Variants in ULK4 observed in about 807,000 individuals in gnomAD.
The protein encoded by ULK4 is inactive serine/threonine-protein kinase ULK4.
In ULK4, 133 loss-of-function variants were observed where a neutral mutation model predicts 160.6. That is an observed-to-expected ratio of 0.83 (90% CI 0.72 to 0.96). The LOEUF (loss-of-function observed/expected upper bound fraction) is 0.96, where lower values mean the gene tolerates loss of function less well. ULK4 is among the 40% of genes least tolerant of loss of function. ULK4 has a pLI of 0.00. For missense variants in ULK4, 1,580 were observed against 1,499.5 expected (o/e 1.05, Z -0.89); for synonymous variants, 534 against 539.8 (o/e 0.99, Z 0.15).
chr3:41,932,044 A>G (rs773344248), intron 4 of ULK4, 38 bp from the exon 5 acceptor site: 1 of 1,594,050 alleles, frequency 6.3e-7, no homozygotes, highest in South Asian at 1.1e-5. Flanking sequence ...AAAAAAAATC[A>G]ACTTAATTTG....
chr3:41,363,540 C>A (rs917053163), intron 35 of ULK4, among the ~76,000 whole-genome samples: 2 of 152,188 alleles, frequency 1.3e-5, no homozygotes, highest in Non-Finnish European at 2.9e-5. Context: ...GTGCATTATG[C>A]AGTGTACATT....
At chr3:41,756,681 G>T (rs958465525) in intron 21 of ULK4, among the ~76,000 whole-genome samples, 6 of 152,154 alleles carry the variant, frequency 3.9e-5, no homozygotes, top group African/African-American at 1.4e-4. Context: ...AAAACTGACA[G>T]ATTATACGAA....
At chr3:41,376,014 C>T (rs1424392911) in intron 35 of ULK4, among the ~76,000 whole-genome samples, 1 of 150,236 alleles carries the variant, frequency 6.7e-6, no homozygotes, top group African/African-American at 2.5e-5. Flanking sequence ...ATTTATGGGG[C>T]CAATAAACAT....
At chr3:41,485,652 C>T (rs571475551) in intron 32 of ULK4, among the ~76,000 whole-genome samples, 48 of 152,134 alleles carry the variant, frequency 3.2e-4, no homozygotes, top group Non-Finnish European at 4.7e-4. Flanking sequence ...GCTGATGTTG[C>T]GGGAGGTGTA....
At chr3:41,485,406 A>G (rs571874213) in intron 32 of ULK4, among the ~76,000 whole-genome samples, 2 of 152,330 alleles carry the variant, frequency 1.3e-5, no homozygotes, top group South Asian at 4.1e-4. Context: ...CTCTCCCCCA[A>G]CTACAGAAAT....
In ULK4 at chr3:41,707,592, G is replaced by C. The variant is rs554158228; in HGVS notation, c.2635-2287C>G. Among the ~76,000 whole-genome samples the C allele has an allele frequency of 3.9e-5, 6 of 152,308 alleles. No homozygotes were observed. The South Asian group carries it at 8.3e-4, about 21-fold the overall frequency. ...CACACCTACAATCCCAGCACTGTGAGAGGCCAAATCAGGAGGATAATCTGA... is the reference window on the plus strand; with the variant it reads ...CACACCTACAATCCCAGCACTGTGACAGGCCAAATCAGGAGGATAATCTGA... On this transcript the variant is annotated intron_variant, in intron 25 of 36. Coordinates refer to ENST00000301831, the MANE Select transcript of ULK4 (RefSeq NM_017886.4).
In ULK4 at chr3:41,953,347, G is replaced by A. The variant is rs1439949419; in HGVS notation, c.138+1275C>T. Among the ~76,000 whole-genome samples the A allele has an allele frequency of 9.5e-4, 131 of 138,590 alleles. 1 individual carries two copies. Among genetic ancestry groups the A allele is most frequent in the African/African-American group, 3.0e-3 (110 of 37,232 alleles). The allele number at this position is 138,590 out of a possible 152,430, so 90.9% of individuals were successfully genotyped here. A position where few individuals can be genotyped will look rare whatever the true frequency, so the allele number is the denominator to read the frequency against. On this transcript the variant is annotated intron_variant, in intron 2 of 36. Coordinates refer to ENST00000301831, the MANE Select transcript of ULK4 (RefSeq NM_017886.4). ...GATGGAGTCCCACTCTTGTCACCCAGGCTGGGGTGCAATGGCATGATCCCG... is the reference window on the plus strand; with the variant it reads ...GATGGAGTCCCACTCTTGTCACCCAAGCTGGGGTGCAATGGCATGATCCCG...
intron 35 of ULK4, among the ~76,000 whole-genome samples, chr3:41,344,907 C>T (rs2080767842): frequency 6.6e-6 from 1 of 151,708 alleles, no homozygotes. Flanking sequence ...GTCTAATATC[C>T]AGAGTCTACA....
At chr3:41,863,041 G>A (rs940535293) in intron 17 of ULK4, among the ~76,000 whole-genome samples, 13 of 152,214 alleles carry the variant, frequency 8.5e-5, no homozygotes, top group African/African-American at 2.4e-4. Context: ...CCTTCAGGGC[G>A]GCAAGGTCCC....
At chr3:41,954,883 G>C (rs913200716) in intron 1 of ULK4, 76 bp from the exon 2 acceptor site, 1 of 946,788 alleles carries the variant, frequency 1.1e-6, no homozygotes, top group African/African-American at 1.6e-5. Flanking sequence ...AATTAGCCTA[G>C]GATATTATAT....
intron 21 of ULK4, among the ~76,000 whole-genome samples, chr3:41,763,756 C>T (rs1427287604): frequency 6.6e-6 from 1 of 152,218 alleles, no homozygotes; most frequent in Non-Finnish European, 1.5e-5. Context: ...AAGCATCTAC[C>T]TAGCTTTATT....
chr3:41,259,037 C>T lies in ULK4; in HGVS notation c.3679-9463G>A, dbSNP rs974196159. Among the ~76,000 whole-genome samples, 7 of 146,544 alleles carry T rather than the reference C, an allele frequency of 4.8e-5. No homozygotes were observed. In the East Asian group the frequency reaches 5.9e-4, roughly 12 times the overall value. Reference sequence around the variant, plus strand: ...ATATACATATCTATGTGTATATATACGTATACACACATATATGTATATGTA... The same window carrying T: ...ATATACATATCTATGTGTATATATATGTATACACACATATATGTATATGTA... On this transcript the variant is annotated intron_variant, in intron 35 of 36. Transcript: ENST00000301831.
intron 21 of ULK4, among the ~76,000 whole-genome samples, chr3:41,772,435 T>C (rs541473638): frequency 7.3e-4 from 111 of 151,422 alleles, no homozygotes; most frequent in Non-Finnish European, 8.0e-4. Flanking sequence ...GAGAATACTA[T>C]AAACACCTCT....
At chr3:41,348,232 A>AAAAAAAAAAG (rs2080842308) in intron 35 of ULK4, among the ~76,000 whole-genome samples, 1 of 146,350 alleles carries the variant, frequency 6.8e-6, no homozygotes, top group African/African-American at 2.6e-5. Context: ...AAAAAAAAAA[A>AAAAAAAAAAG]GTACATGGAC....
chr3:41,681,336 T>G (rs2035914691), intron 29 of ULK4, among the ~76,000 whole-genome samples, 172 bp downstream of exon 29: 1 of 152,210 alleles, frequency 6.6e-6, no homozygotes, highest in Non-Finnish European at 1.5e-5. Context: ...CTGAGTCTTC[T>G]GCAGTCTAAC....
intron 19 of ULK4, among the ~76,000 whole-genome samples, chr3:41,802,572 T>C (rs1434237507): frequency 6.6e-6 from 1 of 152,184 alleles, no homozygotes; most frequent in Non-Finnish European, 1.5e-5. Context: ...GTGCTGCGAT[T>C]ACAAGCATGA....
rs191083308 is a variant in ULK4, at chr3:41,620,194, G to A, written c.3072-4477C>T. Among the ~76,000 whole-genome samples the A allele has an allele frequency of 8.3e-4, 127 of 152,262 alleles. 1 individual carries two copies. Among genetic ancestry groups the A allele is most frequent in the African/African-American group, 2.9e-3 (122 of 41,554 alleles). ...AATTCTACCAGAGGTACAAAGAGGA[G>A]CTGGTACCATTCCTTCTGGAACCAT... On this transcript the variant is annotated intron_variant, in intron 30 of 36. Coordinates refer to ENST00000301831, the MANE Select transcript of ULK4 (RefSeq NM_017886.4).
At chr3:41,613,317 T>G (rs926534355) in intron 31 of ULK4, among the ~76,000 whole-genome samples, 1 of 152,218 alleles carries the variant, frequency 6.6e-6, no homozygotes, top group African/African-American at 2.4e-5. Context: ...AATTTTTATC[T>G]TCTTTTTATT....
chr3:41,273,107 G>T (rs774202870), intron 35 of ULK4, among the ~76,000 whole-genome samples: 1 of 152,096 alleles, frequency 6.6e-6, no homozygotes, highest in South Asian at 2.1e-4. Flanking sequence ...TTATAAAATT[G>T]TATAACATTA....
Sources: gnomAD v4.1 joint callset for allele counts (sites outside exome capture counted in the v4.1 genomes callset) on GRCh38, gnomAD v4.1.1 for gene constraint, MANE v1.5 for transcripts, NCBI Gene and HGNC (gene_info 2026-07-23, HGNC 2026-07-21) for gene names.